The following DCC variants were observed in gnomAD, a reference collection of about 807,000 sequenced individuals.
DCC encodes the protein netrin receptor DCC.
In DCC, 58 loss-of-function variants were observed where a neutral mutation model predicts 172.5. The observed-to-expected ratio is 0.34, with a 90% CI of 0.27 to 0.42. The LOEUF (loss-of-function observed/expected upper bound fraction) is 0.42, where lower values mean the gene tolerates loss of function less well. Ranked by LOEUF, DCC falls within the 10% of genes least tolerant of loss-of-function variation. DCC has a pLI of 1.00. For synonymous variants in DCC, 709 were observed against 644.5 expected (o/e 1.10, Z -1.52); for missense variants, 1,740 against 1,791.0 (o/e 0.97, Z 0.51).
rs185520799 is a variant in DCC at position 52,655,065 on chromosome 18, C to T, written c.92-96989C>T. On this transcript the variant is annotated intron_variant, in intron 1 of 28. Transcript: ENST00000442544. ...ACCAAAGTGGATGGTTGAAACTGCA[C>T]CTTTTTACATTAACCCATTAATCAC... Among the ~76,000 whole-genome samples the T allele has an allele frequency of 2.0e-5, 3 of 150,880 alleles. No individual in the cohort carries two copies. The East Asian group carries it at 5.9e-4, about 30-fold the overall frequency.
intron 1 of DCC, among the ~76,000 whole-genome samples, chr18:52,675,585 G>A (rs1313737408): frequency 1.3e-5 from 2 of 152,142 alleles, no homozygotes; most frequent in South Asian, 2.1e-4. Flanking sequence ...TCTGAGGACC[G>A]TGTCATGGTC....
chr18:52,647,796 C>T (rs1295528692), intron 1 of DCC, among the ~76,000 whole-genome samples: 2 of 152,202 alleles, frequency 1.3e-5, no homozygotes, highest in Admixed American at 6.5e-5. Flanking sequence ...TCAGTGAAGA[C>T]TGATCAAACT....
At chr18:52,688,840 T>C (rs2035883346) in intron 1 of DCC, among the ~76,000 whole-genome samples, 2 of 152,062 alleles carry the variant, frequency 1.3e-5, no homozygotes, top group African/African-American at 4.8e-5. Context: ...TTTTTTGTAG[T>C]TATAAAAAGA....
chr18:53,190,261 G>A (rs2055346334), intron 9 of DCC, among the ~76,000 whole-genome samples: 1 of 152,144 alleles, frequency 6.6e-6, no homozygotes, highest in Non-Finnish European at 1.5e-5. Flanking sequence ...GCCTGAAACA[G>A]TAATTGTGTG....
chr18:53,125,477 A>T (rs1238831223), intron 7 of DCC, among the ~76,000 whole-genome samples: 1 of 151,982 alleles, frequency 6.6e-6, no homozygotes, highest in Non-Finnish European at 1.5e-5. Context: ...CATCCCCTGA[A>T]ATTGCATGTT....
At chr18:52,693,227 G>A (rs910408710) in intron 1 of DCC, among the ~76,000 whole-genome samples, 1 of 151,410 alleles carries the variant, frequency 6.6e-6, no homozygotes. Context: ...TTGTGCATGT[G>A]TGTACACATG....
chr18:53,196,875 C>A (rs1043465979), intron 9 of DCC, among the ~76,000 whole-genome samples: 2 of 152,062 alleles, frequency 1.3e-5, no homozygotes, highest in African/African-American at 4.8e-5. Context: ...TAGAAATCTA[C>A]CCTATAGTTT....
At chr18:52,605,255 T>C (rs1171596312) in intron 1 of DCC, among the ~76,000 whole-genome samples, 1 of 152,124 alleles carries the variant, frequency 6.6e-6, no homozygotes, top group African/African-American at 2.4e-5. Flanking sequence ...CTTAATATAA[T>C]ATTTTTAAAA....
At chr18:53,119,311 A>G (rs555716422) in intron 7 of DCC, among the ~76,000 whole-genome samples, 55 of 151,854 alleles carry the variant, frequency 3.6e-4, no homozygotes, top group African/African-American at 1.3e-3. Flanking sequence ...TCTGGTATTT[A>G]TCTCACCTCT....
intron 5 of DCC, among the ~76,000 whole-genome samples, chr18:53,060,422 T>C (rs1195845514): frequency 6.6e-6 from 1 of 152,134 alleles, no homozygotes; most frequent in African/African-American, 2.4e-5. Context: ...CTGTCTGATA[T>C]ACTGTGAAAG....
chr18:52,447,111 T>C (rs1475563939), intron 1 of DCC, among the ~76,000 whole-genome samples: 2 of 152,232 alleles, frequency 1.3e-5, no homozygotes, highest in Admixed American at 1.3e-4. Context: ...AAACACAATA[T>C]TTCTTACAGA....
At chr18:52,773,020 A>G (rs16955488) in intron 2 of DCC, among the ~76,000 whole-genome samples, 16,497 of 152,234 alleles carry the variant, frequency 0.11, 2,986 homozygotes, top group African/African-American at 0.38. Flanking sequence ...GTATGGCTAT[A>G]GCTATCATAT....
At chr18:52,504,053 C>G (rs2031131250) in intron 1 of DCC, among the ~76,000 whole-genome samples, 1 of 152,148 alleles carries the variant, frequency 6.6e-6, no homozygotes, top group Admixed American at 6.6e-5. Context: ...GATCCCACCA[C>G]TCTTTTCAGT....
intron 1 of DCC, among the ~76,000 whole-genome samples, chr18:52,727,480 AT>A (rs1334262107): frequency 6.6e-6 from 1 of 151,992 alleles, no homozygotes; most frequent in African/African-American, 2.4e-5. Context: ...TCCTTTTCTT[AT>A]TTGCTTTGTT....
At chr18:53,086,013 C>A (rs1599113317) in intron 7 of DCC, among the ~76,000 whole-genome samples, 8 of 16,350 alleles carry the variant, frequency 4.9e-4, no homozygotes, top group East Asian at 2.8e-3. Flanking sequence ...TCTCCTTCTC[C>A]TTCTCCCTCT....
intron 7 of DCC, among the ~76,000 whole-genome samples, chr18:53,084,371 T>C (rs140942532): frequency 2.2e-3 from 329 of 152,342 alleles, no homozygotes; most frequent in African/African-American, 7.6e-3. Flanking sequence ...GGACCCTCCC[T>C]TGCAAAACTG....
rs557555844 is a variant in DCC at position 52,628,723 on chromosome 18, G to T, written c.92-123331G>T. The stretch of plus-strand genomic sequence containing the variant: ...CTGGCAGTTTTGCAGGTAGCAGCAT[G>T]AGTAGGGAGGCAACCCTAGTGTATA... On this transcript the variant is annotated intron_variant, in intron 1 of 28. Coordinates refer to ENST00000442544, the MANE Select transcript of DCC (RefSeq NM_005215.4). Among the ~76,000 whole-genome samples, 17 of 152,362 alleles carry T rather than the reference G, an allele frequency of 1.1e-4. No homozygotes were observed. In the South Asian group the frequency reaches 3.5e-3, roughly 32 times the overall value.
At chr18:53,351,220 C>G (rs1000581014) in intron 15 of DCC, among the ~76,000 whole-genome samples, 7 of 141,068 alleles carry the variant, frequency 5.0e-5, no homozygotes, top group Admixed American at 2.9e-4. Context: ...TGGAAAAACT[C>G]CATTACAAAA....
At chr18:53,284,243 C>T (rs2056908639) in intron 12 of DCC, among the ~76,000 whole-genome samples, 1 of 152,102 alleles carries the variant, frequency 6.6e-6, no homozygotes. Flanking sequence ...TCCCCATGGG[C>T]TGTATTTGTT....
Sources: allele counts gnomAD v4.1 joint callset (sites outside exome capture counted in the v4.1 genomes callset), GRCh38; gene constraint gnomAD v4.1.1; transcripts MANE v1.5; gene names NCBI Gene and HGNC (gene_info 2026-07-23, HGNC 2026-07-21).